NDUFA8: variants seen among roughly 807,000 people sequenced by gnomAD.
The protein encoded by NDUFA8 is NADH dehydrogenase [ubiquinone] 1 alpha subcomplex subunit 8.
In NDUFA8, 16 loss-of-function variants were observed where a neutral mutation model predicts 20.9. The observed-to-expected ratio is 0.77, with a 90% confidence interval of 0.52 to 1.16. NDUFA8 has a LOEUF of 1.16. Among genes scored for constraint, NDUFA8 ranks in the 50% most tolerant of loss-of-function variants. NDUFA8 has a pLI of 0.00. For synonymous variants in NDUFA8, 70 were observed against 76.1 expected, an observed-to-expected ratio of 0.92 and a Z score of 0.41; for missense variants, 202 against 216.4, an observed-to-expected ratio of 0.93 and a Z score of 0.42.
intron 1 of NDUFA8, among the ~76,000 whole-genome samples, chr9:122,157,080 T>C (rs1198395389): frequency 6.6e-6 from 1 of 152,158 alleles, no homozygotes; most frequent in East Asian, 1.9e-4. Context: ...ACCCAAACTA[T>C]CTTTCCACCC....
In NDUFA8 at chr9:122,144,262, G is replaced by A; in HGVS notation, c.498C>T (p.Arg166=). 6.2e-7 allele frequency: 1 copy of A among 1,614,072 alleles called. No homozygotes were observed. Among genetic ancestry groups the A allele is most frequent in the Non-Finnish European group, 8.5e-7 (1 of 1,180,022 alleles). ...GDLQPATHGS[R]FYFWTK ...ATCTTTACTTGGTCCAGAAATAAAA[G>A]CGGCTGCCATGTGTGGCAGGCTGCA... Residue 166 remains arginine (R), a synonymous_variant, in exon 4 of 4, where the codon CGC becomes CGT. Transcript: ENST00000373768.
At chr9:122,139,213 A>G (rs1473913174), downstream of NDUFA8, among the ~76,000 whole-genome samples, 1 of 152,144 alleles carries the variant, frequency 6.6e-6, no homozygotes, top group Non-Finnish European at 1.5e-5. Flanking sequence ...GCTCCTGCCA[A>G]AAGGTTTGTT....
At chr9:122,155,465 T>C (rs773015659) in intron 1 of NDUFA8, among the ~76,000 whole-genome samples, 2 of 152,208 alleles carry the variant, frequency 1.3e-5, no homozygotes, top group Non-Finnish European at 2.9e-5. Flanking sequence ...CTATACACTA[T>C]AGAAAGGAGA....
At chr9:122,149,092 A>G (rs1246436732) in intron 2 of NDUFA8, among the ~76,000 whole-genome samples, 2 of 152,236 alleles carry the variant, frequency 1.3e-5, no homozygotes, top group Non-Finnish European at 2.9e-5. Flanking sequence ...GAAATTCAGA[A>G]CACCTCTTTC....
chr9:122,143,429 T>G (rs752545093), downstream of NDUFA8, among the ~76,000 whole-genome samples: 2 of 152,188 alleles, frequency 1.3e-5, no homozygotes, highest in Non-Finnish European at 2.9e-5. Flanking sequence ...TTATAAACAC[T>G]TGTGGCTTTA....
chr9:122,134,290 C>T, the NDUFA8 span, among the ~76,000 whole-genome samples: 1 of 152,154 alleles, frequency 6.6e-6, no homozygotes, highest in South Asian at 2.1e-4. Flanking sequence ...TTAAGACTTA[C>T]GGTTTTGGAA....
In NDUFA8 at chr9:122,159,766, C is replaced by T. The variant is rs1829157574; in HGVS notation, c.-89G>A. On this transcript the variant is annotated 5_prime_UTR_variant, in exon 1 of 4. The change creates a new upstream start codon in the 5' untranslated region. Transcript: ENST00000373768. ...CCCCTTTCGACCGCCGAGTGCCACA[C>T]GGCGCCTGCGCATGCGCATCCGGCA... 2 of 1,588,640 alleles carry T rather than the reference C, an allele frequency of 1.3e-6. No homozygotes were observed.
intron 2 of NDUFA8, among the ~76,000 whole-genome samples, chr9:122,151,392 C>G (rs1412209436): frequency 6.6e-6 from 1 of 152,320 alleles, no homozygotes; most frequent in Middle Eastern, 3.4e-3. Context: ...GATATGTATA[C>G]GAAGTCCGCC....
intron 1 of NDUFA8, among the ~76,000 whole-genome samples, chr9:122,153,266 C>CA (rs71371923): frequency 0.45 from 54,615 of 120,290 alleles, 13,426 homozygotes; most frequent in Middle Eastern, 0.61. Context: ...GACTCTGTCT[C>CA]AAAAAAAAAA....
chr9:122,142,033 G>T (rs1032539710), downstream of NDUFA8, among the ~76,000 whole-genome samples: 1 of 152,172 alleles, frequency 6.6e-6, no homozygotes, highest in African/African-American at 2.4e-5. Context: ...CATTTGGGGA[G>T]TGAACAGTGC....
chr9:122,137,720 A>G, the NDUFA8 span, among the ~76,000 whole-genome samples: 8 of 152,242 alleles, frequency 5.3e-5, no homozygotes, highest in African/African-American at 1.9e-4. Context: ...AAAACATGAA[A>G]ACTCCACTGT....
chr9:122,159,095 A>C (rs1829131746), intron 1 of NDUFA8, among the ~76,000 whole-genome samples: 1 of 152,154 alleles, frequency 6.6e-6, no homozygotes, highest in Non-Finnish European at 1.5e-5. Context: ...TATCTCTTGA[A>C]TAAACGAATG....
chr9:122,145,311 G>A (rs538170986), intron 3 of NDUFA8, among the ~76,000 whole-genome samples: 34 of 152,212 alleles, frequency 2.2e-4, no homozygotes, highest in Admixed American at 4.6e-4. Context: ...CAGGAGAGTG[G>A]TGAAGTACTA....
chr9:122,156,761 T>C (rs1829081821), intron 1 of NDUFA8, among the ~76,000 whole-genome samples: 1 of 152,218 alleles, frequency 6.6e-6, no homozygotes. Context: ...ACCTCCAATA[T>C]CTAATCCATT....
chr9:122,148,964 G>T (rs535763237), intron 2 of NDUFA8, among the ~76,000 whole-genome samples: 1 of 152,210 alleles, frequency 6.6e-6, no homozygotes, highest in East Asian at 1.9e-4. Flanking sequence ...TGTATAAAAA[G>T]AATAAGTTTC....
intron 2 of NDUFA8, among the ~76,000 whole-genome samples, chr9:122,149,077 G>A (rs1208407370): frequency 1.3e-5 from 2 of 152,068 alleles, no homozygotes; most frequent in African/African-American, 4.8e-5. Context: ...CATACTTGAG[G>A]CAGTGAAATT....
At chr9:122,139,475 T>C (rs1828790199), downstream of NDUFA8, among the ~76,000 whole-genome samples, 1 of 152,166 alleles carries the variant, frequency 6.6e-6, no homozygotes, top group Admixed American at 6.5e-5. Flanking sequence ...GGAAGTTCCA[T>C]GAGGGAAGGG....
the NDUFA8 span, among the ~76,000 whole-genome samples, chr9:122,136,705 C>T: frequency 6.6e-6 from 1 of 152,064 alleles, no homozygotes; most frequent in Non-Finnish European, 1.5e-5. Context: ...TACAGGCGCC[C>T]ACCAGCAAGC....
chr9:122,133,425 G>A, the NDUFA8 span, among the ~76,000 whole-genome samples: 1 of 152,176 alleles, frequency 6.6e-6, no homozygotes. Context: ...GACCAGCTCT[G>A]CCTCCAGACA....
Sources: gnomAD v4.1 joint callset for allele counts (sites outside exome capture counted in the v4.1 genomes callset) on GRCh38, gnomAD v4.1.1 for gene constraint, MANE v1.5 for transcripts, NCBI Gene and HGNC (gene_info 2026-07-23, HGNC 2026-07-21) for gene names.